The following DIAPH2 variants were observed in gnomAD, a reference collection of about 807,000 sequenced individuals.
DIAPH2 encodes the protein protein diaphanous homolog 2.
DIAPH2 carries 35 observed loss-of-function variants against 92.7 expected under a neutral mutation model. The observed-to-expected ratio is 0.38, with a 90% CI of 0.29 to 0.50. DIAPH2 has a LOEUF of 0.50. Among genes scored for constraint, DIAPH2 ranks in the 20% least tolerant of loss-of-function variants. DIAPH2 has a pLI of 0.94. For synonymous variants in DIAPH2, 301 were observed against 280.4 expected (o/e 1.07, Z -0.73); for missense variants, 701 against 819.5 (o/e 0.86, Z 1.77).
chrX:97,026,714 T>C, intron 17 of DIAPH2, among the ~76,000 whole-genome samples: 1 of 112,471 alleles, frequency 8.9e-6, no homozygotes, highest in East Asian at 2.8e-4. Flanking sequence ...AATTGTCTTA[T>C]TATTGGATTG....
At chrX:97,270,910 T>A (rs144419662) in intron 23 of DIAPH2, among the ~76,000 whole-genome samples, 1,805 of 110,492 alleles carry the variant, frequency 0.016, 30 homozygotes, top group African/African-American at 0.057. Context: ...GAGCATTTAT[T>A]TATGGGGTGC....
chrX:96,867,892 A>G (rs1461094045), intron 4 of DIAPH2, among the ~76,000 whole-genome samples: 3 of 112,036 alleles, frequency 2.7e-5, no homozygotes, highest in Non-Finnish European at 5.6e-5. Flanking sequence ...CTGTTTAACT[A>G]CGTGGCAACA....
rs1277806851 is a variant in DIAPH2, at chrX:97,296,776, CT to C, written c.2844+48955del. 7.0e-3 allele frequency among the ~76,000 whole-genome samples: 683 copies of C among 97,280 alleles called. 1 individual carries two copies. Among genetic ancestry groups the C allele is most frequent in the African/African-American group, 0.021 (565 of 26,494 alleles). 84.5% of individuals were successfully genotyped at this position (97,280 alleles called of 115,157 possible). ...ATAGTTATAGGTATTGGCTACAGAA[CT>C]TTTTTTTTTTTTTTTTTGAGACGGA... On this transcript the variant is annotated intron_variant, in intron 23 of 26. Coordinates refer to ENST00000324765, the MANE Select transcript of DIAPH2 (RefSeq NM_006729.5).
At chrX:96,764,174 A>G (rs1397329546) in intron 4 of DIAPH2, among the ~76,000 whole-genome samples, 1 of 111,482 alleles carries the variant, frequency 9.0e-6, no homozygotes, top group Non-Finnish European at 1.9e-5. Context: ...CATGCTGACT[A>G]TAAATGTAAT....
chrX:96,719,063 C>T (rs764937094), intron 1 of DIAPH2, among the ~76,000 whole-genome samples: 15 of 112,001 alleles, frequency 1.3e-4, no homozygotes, highest in African/African-American at 4.2e-4. Context: ...ACCTGTTTGC[C>T]ATTTGTATGT....
At chrX:96,692,014 A>T (rs1277305687) in intron 1 of DIAPH2, among the ~76,000 whole-genome samples, 1 of 112,493 alleles carries the variant, frequency 8.9e-6, no homozygotes, top group Non-Finnish European at 1.9e-5. Context: ...GCTCAAAATT[A>T]AGAGGAATTT....
chrX:97,241,347 G>A (rs1194125418), intron 22 of DIAPH2, among the ~76,000 whole-genome samples: 2 of 109,653 alleles, frequency 1.8e-5, no homozygotes, highest in Non-Finnish European at 3.8e-5. Flanking sequence ...CGCCATGCTG[G>A]AGTGCAGTGG....
chrX:97,339,519 GA>G (rs1277267256), intron 23 of DIAPH2, among the ~76,000 whole-genome samples: 9 of 107,303 alleles, frequency 8.4e-5, no homozygotes, highest in Admixed American at 1.0e-4. Context: ...TATCTCAAAA[GA>G]AAAAAAAAGG....
At chrX:97,454,887 A>G (rs942563031) in intron 26 of DIAPH2, among the ~76,000 whole-genome samples, 1 of 111,588 alleles carries the variant, frequency 9.0e-6, no homozygotes, top group African/African-American at 3.2e-5. Context: ...AAATTTGTAA[A>G]TGAAAAAGAT....
At chrX:97,390,542 C>A (rs895408130) in intron 25 of DIAPH2, among the ~76,000 whole-genome samples, 1 of 108,381 alleles carries the variant, frequency 9.2e-6, no homozygotes, top group African/African-American at 3.4e-5. Flanking sequence ...CTTTTCTTTT[C>A]TTTTTTTTGA....
In DIAPH2 at chrX:97,190,363, G is replaced by A. The variant is rs775657887; in HGVS notation, c.2719+48569G>A. On this transcript the variant is annotated intron_variant, in intron 22 of 26. Transcript: ENST00000324765. Reference sequence around the variant, plus strand: ...TTCAAAGGTTTAAAGGTTTTTCTGCGGGCTGCCTTTGTTTCAGCAGAGTGG... The same window carrying A: ...TTCAAAGGTTTAAAGGTTTTTCTGCAGGCTGCCTTTGTTTCAGCAGAGTGG... Among the ~76,000 whole-genome samples, 8 of 112,679 alleles carry A rather than the reference G, an allele frequency of 7.1e-5. No individual in the cohort carries two copies. The East Asian group carries it at 2.0e-3, about 28-fold the overall frequency.
chrX:97,179,480 G>A (rs1052591770), intron 22 of DIAPH2, among the ~76,000 whole-genome samples: 12 of 110,696 alleles, frequency 1.1e-4, no homozygotes, highest in African/African-American at 4.0e-4. Flanking sequence ...CTGTTCCTGT[G>A]TTAGTTTGCT....
chrX:96,820,966 CT>C (rs963779642), intron 4 of DIAPH2, among the ~76,000 whole-genome samples: 3 of 111,771 alleles, frequency 2.7e-5, no homozygotes, highest in Admixed American at 1.9e-4. Context: ...GGAGGAAGAC[CT>C]TTCTAGGCTG....
intron 20 of DIAPH2, among the ~76,000 whole-genome samples, chrX:97,110,164 C>T (rs2066969347): frequency 9.0e-6 from 1 of 111,708 alleles, no homozygotes; most frequent in African/African-American, 3.3e-5. Flanking sequence ...AATCAATCAG[C>T]ACATATTGAT....
intron 22 of DIAPH2, among the ~76,000 whole-genome samples, chrX:97,227,037 G>A (rs1253941901): frequency 1.8e-5 from 2 of 110,731 alleles, no homozygotes; most frequent in East Asian, 5.8e-4. Flanking sequence ...TTGGGAGGCC[G>A]AGGCAGGTGG....
In DIAPH2 at chrX:96,684,886, G is replaced by T; in HGVS notation, c.-173G>T. 1.9e-6 allele frequency: 1 copy of T among 515,245 alleles called. No individual in the cohort carries two copies. Among genetic ancestry groups the T allele is most frequent in the Non-Finnish European group, 2.7e-6 (1 of 370,104 alleles). The allele number at this position is 515,245 out of a possible 1,213,427, so 42.5% of individuals were successfully genotyped here. ...GCAACGGCGTGGTTGCGTCGGGGGT[G>T]CCTGGGAGCCTGGAGTCCCGGGGGC... On this transcript the variant is annotated 5_prime_UTR_variant, in exon 1 of 27. Coordinates refer to ENST00000324765, the MANE Select transcript of DIAPH2 (RefSeq NM_006729.5).
intron 25 of DIAPH2, among the ~76,000 whole-genome samples, chrX:97,392,303 C>G (rs147288802): frequency 9.0e-6 from 1 of 111,277 alleles, no homozygotes. Flanking sequence ...GCTGCTGACA[C>G]GATGAAAGAG....
intron 23 of DIAPH2, among the ~76,000 whole-genome samples, chrX:97,326,592 CA>C (rs2068953039): frequency 8.9e-6 from 1 of 112,108 alleles, no homozygotes; most frequent in Non-Finnish European, 1.9e-5. Context: ...TCCAGTTCTG[CA>C]CCAAACCTAG....
At chrX:97,281,771 G>C (rs1317454102) in intron 23 of DIAPH2, among the ~76,000 whole-genome samples, 6 of 109,926 alleles carry the variant, frequency 5.5e-5, no homozygotes, top group Non-Finnish European at 7.6e-5. Flanking sequence ...ATACGCAAAA[G>C]GTTAAGGTAA....
Sources: gnomAD v4.1 joint callset for allele counts (sites outside exome capture counted in the v4.1 genomes callset) on GRCh38, gnomAD v4.1.1 for gene constraint, MANE v1.5 for transcripts, NCBI Gene and HGNC (gene_info 2026-07-23, HGNC 2026-07-21) for gene names.